The following CBX5 variants were observed in gnomAD, a reference collection of about 807,000 sequenced individuals.
The protein encoded by CBX5 is chromobox protein homolog 5.
A neutral mutation model predicts 20.7 loss-of-function variants in CBX5; 7 were observed. The observed-to-expected ratio is 0.34, with a 90% CI of 0.19 to 0.63. CBX5 has a LOEUF of 0.63. Ranked by LOEUF, CBX5 falls within the 30% of genes least tolerant of loss-of-function variation. The pLI, the probability that CBX5 is intolerant of heterozygous loss-of-function variation, is 0.75. For missense variants in CBX5, 110 were observed against 224.1 expected (o/e 0.49, Z 3.25); for synonymous variants, 78 against 77.0 (o/e 1.01, Z -0.07).
At position 54,252,750 on chromosome 12, in the gene CBX5, C is replaced by T. The variant is rs183312834; in HGVS notation, c.138-523G>A. ...CTGTAATCCCAGCACTCTGGGAGGCCGAGGCAGGCAGATCACTTGAGGTCA... is the reference window on the plus strand; with the variant it reads ...CTGTAATCCCAGCACTCTGGGAGGCTGAGGCAGGCAGATCACTTGAGGTCA... On this transcript the variant is annotated intron_variant, in intron 2 of 4. Coordinates refer to ENST00000209875, the MANE Select transcript of CBX5 (RefSeq NM_012117.3). 5.9e-3 allele frequency among the ~76,000 whole-genome samples: 899 copies of T among 151,618 alleles called. 6 individuals are homozygous for T. The highest frequency in any genetic ancestry group is 0.02 in the African/African-American group (843 of 41,332).
intron 4 of CBX5, among the ~76,000 whole-genome samples, chr12:54,242,415 C>T (rs2137009576): frequency 6.6e-6 from 1 of 151,378 alleles, no homozygotes; most frequent in East Asian, 2.0e-4. Flanking sequence ...GTCCCAGCTA[C>T]TCGGGAGGCT....
At chr12:54,276,574 AG>A (rs1367850598) in intron 1 of CBX5, 1 of 152,238 alleles carries the variant, frequency 6.6e-6, no homozygotes, top group Non-Finnish European at 1.5e-5. Flanking sequence ...CATCTGTACA[AG>A]TGGCTGGGGC....
chr12:54,249,410 T>C (rs1349034177), intron 3 of CBX5, among the ~76,000 whole-genome samples: 2 of 149,768 alleles, frequency 1.3e-5, no homozygotes, highest in African/African-American at 4.9e-5. Context: ...TGGTCTGGGG[T>C]GCATCTTAGG....
rs1943964120 is a variant in CBX5, at chr12:54,267,050, T to C, written c.-42-9358A>G. On this transcript the variant is annotated intron_variant, in intron 1 of 4. Coordinates refer to ENST00000209875, the MANE Select transcript of CBX5 (RefSeq NM_012117.3). ...ATGGTGTTTTCCAACAACTTTATCCTTGGAAATGTACTGAACTCATCTTAA... is the reference window on the plus strand; with the variant it reads ...ATGGTGTTTTCCAACAACTTTATCCCTGGAAATGTACTGAACTCATCTTAA... Among the ~76,000 whole-genome samples the C allele has an allele frequency of 2.6e-5, 4 of 152,166 alleles. No homozygotes were observed. In the South Asian group the frequency reaches 8.3e-4, roughly 32 times the overall value.
chr12:54,254,289 C>A (rs1279524585), intron 2 of CBX5, among the ~76,000 whole-genome samples: 2 of 129,834 alleles, frequency 1.5e-5, no homozygotes, highest in Admixed American at 1.8e-4. Flanking sequence ...TGAGTTCGAG[C>A]TATTGCACTC....
At chr12:54,250,844 A>G (rs1412673968) in intron 3 of CBX5, among the ~76,000 whole-genome samples, 1 of 103,902 alleles carries the variant, frequency 9.6e-6, no homozygotes, top group Admixed American at 1.0e-4. Flanking sequence ...AAAAAAAAAA[A>G]GAAAGGGCCG....
At chr12:54,269,899 A>T (rs1187474051) in intron 1 of CBX5, among the ~76,000 whole-genome samples, 1 of 152,098 alleles carries the variant, frequency 6.6e-6, no homozygotes, top group Admixed American at 6.5e-5. Context: ...TATTTAAGTG[A>T]GTTTTGGTAG....
At chr12:54,269,044 C>T (rs1363736392) in intron 1 of CBX5, among the ~76,000 whole-genome samples, 5 of 152,154 alleles carry the variant, frequency 3.3e-5, no homozygotes, top group Admixed American at 1.3e-4. Context: ...GGGCGCATCA[C>T]GAGGTCAGGA....
At chr12:54,279,568 T>C in intron 1 of CBX5, among the ~76,000 whole-genome samples, 1 of 152,170 alleles carries the variant, frequency 6.6e-6, no homozygotes, top group East Asian at 1.9e-4. Context: ...AGCGCTTTCC[T>C]TAGGCTGTCC....
In CBX5 at chr12:54,237,411, C is replaced by CT. The variant is rs1305385714; in HGVS notation, c.*4343dup. ...AAAGCAATCATCAACTAATTGCAGA[C>CT]TATAAAGATACCCAAAAATCCTTCT... On this transcript the variant is annotated 3_prime_UTR_variant, in exon 5 of 5. Coordinates refer to ENST00000209875, the MANE Select transcript of CBX5 (RefSeq NM_012117.3). The CT allele has an allele frequency of 6.6e-6, 1 of 152,154 alleles. No individual in the cohort carries two copies. Among genetic ancestry groups the CT allele is most frequent in the African/African-American group, 2.4e-5 (1 of 41,424 alleles). The allele number at this position is 152,154 out of a possible 1,614,324, so 9.4% of individuals were successfully genotyped here. A position where few individuals can be genotyped will look rare whatever the true frequency, so the allele number is the denominator to read the frequency against.
At chr12:54,246,265 A>C in intron 3 of CBX5, 50 bp from the exon 4 acceptor site, 1 of 1,336,086 alleles carries the variant, frequency 7.5e-7, no homozygotes, top group African/African-American at 1.4e-5. Flanking sequence ...AGAGTAAAGA[A>C]ACTCCCTGCT....
chr12:54,237,158 A>AT lies in CBX5; in HGVS notation c.*4596dup, dbSNP rs1943631299. 2.6e-5 allele frequency: 4 copies of AT among 152,210 alleles called. No homozygotes were observed. The highest frequency in any genetic ancestry group is 4.1e-4 in the South Asian group (2 of 4,834). The allele number at this position is 152,210 out of a possible 1,614,324, so 9.4% of individuals were successfully genotyped here. On this transcript the variant is annotated 3_prime_UTR_variant, in exon 5 of 5. Coordinates refer to ENST00000209875, the MANE Select transcript of CBX5 (RefSeq NM_012117.3). ...GCTCCCCAGAGTGGACCAAAACTGG[A>AT]TTTTGTCCATGGCAACACTGTTCTC...
chr12:54,232,676 A>G lies in CBX5; in HGVS notation c.*9079T>C, dbSNP rs887165793. On this transcript the variant is annotated 3_prime_UTR_variant, in exon 5 of 5. Coordinates refer to ENST00000209875, the MANE Select transcript of CBX5 (RefSeq NM_012117.3). ...TCATTCCACAAACTAGATTAATTCA[A>G]TAACTGAAGGGTATTAACTGAGGGC... 1.3e-5 allele frequency: 2 copies of G among 151,994 alleles called. No individual in the cohort carries two copies. Among genetic ancestry groups the G allele is most frequent in the Non-Finnish European group, 2.9e-5 (2 of 68,020 alleles). 9.4% of individuals were successfully genotyped at this position (151,994 alleles called of 1,614,324 possible). A position where few individuals can be genotyped will look rare whatever the true frequency, so the allele number is the denominator to read the frequency against.
intron 3 of CBX5, among the ~76,000 whole-genome samples, chr12:54,247,718 G>C (rs377329146): frequency 6.6e-6 from 1 of 152,070 alleles, no homozygotes; most frequent in South Asian, 2.1e-4. Flanking sequence ...CTGTTGCCTA[G>C]GTTAAAGTGC....
chr12:54,236,833 C>T lies in CBX5; in HGVS notation c.*4922G>A, dbSNP rs1943628180. The T allele has an allele frequency of 6.6e-6, 1 of 152,136 alleles. No homozygotes were observed. The highest frequency in any genetic ancestry group is 2.4e-5 in the African/African-American group (1 of 41,420). The allele number at this position is 152,136 out of a possible 1,614,324, so 9.4% of individuals were successfully genotyped here. ...CGGGCCAAACACAGATCCCTCCAACCCCTCACTGTACCTTAGGAAAGCTGG... is the reference window on the plus strand; with the variant it reads ...CGGGCCAAACACAGATCCCTCCAACTCCTCACTGTACCTTAGGAAAGCTGG... On this transcript the variant is annotated 3_prime_UTR_variant, in exon 5 of 5. Transcript: ENST00000209875.
intron 1 of CBX5, among the ~76,000 whole-genome samples, chr12:54,262,068 G>A (rs1465535097): frequency 6.6e-6 from 1 of 152,170 alleles, no homozygotes; most frequent in East Asian, 1.9e-4. Context: ...TTGTTAACTA[G>A]GCACTGGAAA....
Position 54,232,628 on chromosome 12 carries a change from G to C in CBX5, c.*9127C>G, listed in dbSNP as rs1040301778. 15 of 151,858 alleles carry C rather than the reference G, an allele frequency of 9.9e-5. No individual in the cohort carries two copies. Among genetic ancestry groups the C allele is most frequent in the African/African-American group, 3.4e-4 (14 of 41,302 alleles). 9.4% of individuals were successfully genotyped at this position (151,858 alleles called of 1,614,324 possible). ...ACCTCTCAGAGTGTACTTGGGAGCA[G>C]AGGGAAGTTGGCAGGATACACCTCA... On this transcript the variant is annotated 3_prime_UTR_variant, in exon 5 of 5. Coordinates refer to ENST00000209875, the MANE Select transcript of CBX5 (RefSeq NM_012117.3).
intron 2 of CBX5, 141 bp from the exon 3 acceptor site, chr12:54,252,368 A>C (rs1366325676): frequency 2.1e-6 from 1 of 466,638 alleles, no homozygotes; most frequent in Non-Finnish European, 3.6e-6. Flanking sequence ...AACAAATTTG[A>C]TCCTAGATTT....
In CBX5 at chr12:54,231,428, C is replaced by G. The variant is rs773464021; in HGVS notation, c.*10327G>C. On this transcript the variant is annotated 3_prime_UTR_variant, in exon 5 of 5. Transcript: ENST00000209875. Reference sequence around the variant, plus strand: ...GCTCTCTCCATTCCCCAGGACTCCACAGAACCATCTGGTACTGCTAGTGCT... The same window carrying G: ...GCTCTCTCCATTCCCCAGGACTCCAGAGAACCATCTGGTACTGCTAGTGCT... The G allele has an allele frequency of 1.3e-5, 2 of 154,646 alleles. No homozygotes were observed. Among genetic ancestry groups the G allele is most frequent in the African/African-American group, 2.4e-5 (1 of 41,532 alleles). 9.6% of individuals were successfully genotyped at this position (154,646 alleles called of 1,614,324 possible). A position where few individuals can be genotyped will look rare whatever the true frequency, so the allele number is the denominator to read the frequency against.
Sources: gnomAD v4.1 joint callset for allele counts (sites outside exome capture counted in the v4.1 genomes callset) on GRCh38, gnomAD v4.1.1 for gene constraint, MANE v1.5 for transcripts, NCBI Gene and HGNC (gene_info 2026-07-23, HGNC 2026-07-21) for gene names.